Variants in UBE2V2 observed in about 807,000 individuals in gnomAD.
The protein encoded by UBE2V2 is ubiquitin conjugating enzyme E2 V2, also known as ubiquitin-conjugating enzyme E2 variant 2.
A neutral mutation model predicts 17.2 loss-of-function variants in UBE2V2; 9 were observed. That is an observed-to-expected ratio of 0.52 (90% confidence interval 0.32 to 0.91). UBE2V2 has a LOEUF of 0.91. Ranked by LOEUF, UBE2V2 falls within the 40% of genes least tolerant of loss-of-function variation. The pLI, the probability that UBE2V2 is intolerant of heterozygous loss-of-function variation, is 0.04. For missense variants in UBE2V2, 133 were observed against 182.6 expected, an observed-to-expected ratio of 0.73 and a Z score of 1.56; for synonymous variants, 61 against 57.5, an observed-to-expected ratio of 1.06 and a Z score of -0.28.
At chr8:48,030,993 T>C (rs2091378706) in intron 1 of UBE2V2, among the ~76,000 whole-genome samples, 1 of 152,020 alleles carries the variant, frequency 6.6e-6, no homozygotes, top group Non-Finnish European at 1.5e-5. Flanking sequence ...TTGCCCTTCA[T>C]TGTGGCTCTG....
chr8:48,029,065 A>G (rs2091366086), intron 1 of UBE2V2, among the ~76,000 whole-genome samples: 1 of 152,082 alleles, frequency 6.6e-6, no homozygotes, highest in Admixed American at 6.6e-5. Context: ...TAAAAACAAT[A>G]ATGTTCAGGC....
At chr8:47,998,092 CT>C in the UBE2V2 span, among the ~76,000 whole-genome samples, 1 of 152,066 alleles carries the variant, frequency 6.6e-6, no homozygotes, top group African/African-American at 2.4e-5. Flanking sequence ...CAAAAGTTGT[CT>C]TAAGTCTCTG....
rs149023836 is a variant in UBE2V2, at chr8:48,014,316, A to C, written c.16+5846A>C. The stretch of plus-strand genomic sequence containing the variant: ...TATGGTTATTCTGAGACCTTCAAAA[A>C]TGTCAACACATTAAGAACTCTCCCT... On this transcript the variant is annotated intron_variant, in intron 1 of 3. Transcript: ENST00000523111. Among the ~76,000 whole-genome samples, 330 of 152,294 alleles carry C rather than the reference A, an allele frequency of 2.2e-3. 2 individuals carry two copies. Among genetic ancestry groups the C allele is most frequent in the African/African-American group, 7.8e-3 (323 of 41,560 alleles).
rs755762484 is a variant in UBE2V2, at chr8:48,043,141, CACTT to C, written c.128_131del (p.Leu43GlnfsTer6). The C allele has an allele frequency of 2.3e-5, 36 of 1,589,100 alleles. No homozygotes were observed. Among genetic ancestry groups the C allele is most frequent in the South Asian group, 5.8e-5 (5 of 85,960 alleles). On this transcript the variant is annotated frameshift_variant, in exon 2 of 4. Coordinates refer to ENST00000523111, the MANE Select transcript of UBE2V2 (RefSeq NM_003350.3). LOFTEE classifies it high-confidence loss of function. ...GGCCTTGAAGATGATGAAGATATGA[CACTT>C]ACAAGGTGGACAGGCATGATTATTG...
chr8:48,007,168 C>G (rs191676688), upstream of UBE2V2, among the ~76,000 whole-genome samples: 1 of 151,860 alleles, frequency 6.6e-6, no homozygotes, highest in South Asian at 2.1e-4. Flanking sequence ...GATCCATGCC[C>G]GGCCAAAAGC....
At chr8:48,008,504 C>T in intron 1 of UBE2V2, 34 bp downstream of exon 1, 1 of 1,562,494 alleles carries the variant, frequency 6.4e-7, no homozygotes, top group Non-Finnish European at 8.6e-7. Context: ...TGATTTTCCG[C>T]TCCGACCCGG....
intron 1 of UBE2V2, among the ~76,000 whole-genome samples, chr8:48,038,370 T>C (rs1212586499): frequency 6.6e-6 from 1 of 152,096 alleles, no homozygotes; most frequent in Non-Finnish European, 1.5e-5. Flanking sequence ...CAAAATGGAG[T>C]GTAGTGGCGT....
At position 48,010,806 on chromosome 8, in the gene UBE2V2, C is replaced by A. The variant is rs866867503; in HGVS notation, c.16+2336C>A. Reference sequence around the variant, plus strand: ...TCCACCTCCCTGGTTCAAGCAATTCCTCTGCCTCAGCCTCTTGAGTAGCTG... The same window carrying A: ...TCCACCTCCCTGGTTCAAGCAATTCATCTGCCTCAGCCTCTTGAGTAGCTG... On this transcript the variant is annotated intron_variant, in intron 1 of 3. Transcript: ENST00000523111. Among the ~76,000 whole-genome samples the A allele has an allele frequency of 1.7e-4, 25 of 150,316 alleles. 1 individual carries two copies. Among genetic ancestry groups the A allele is most frequent in the Middle Eastern group, 3.5e-3 (1 of 288 alleles).
intron 1 of UBE2V2, among the ~76,000 whole-genome samples, chr8:48,027,973 C>A (rs1004154204): frequency 6.6e-6 from 1 of 151,944 alleles, no homozygotes; most frequent in African/African-American, 2.4e-5. Context: ...CCTGCCTCAA[C>A]CTCCCAAGTA....
intron 2 of UBE2V2, among the ~76,000 whole-genome samples, chr8:48,047,177 G>A (rs562468061): frequency 1.3e-5 from 2 of 152,070 alleles, no homozygotes; most frequent in African/African-American, 4.8e-5. Context: ...CCAACCTCAG[G>A]TGATCCACTC....
In UBE2V2 at chr8:48,008,892, A is replaced by G. The variant is rs567998529; in HGVS notation, c.16+422A>G. Among the ~76,000 whole-genome samples, 267 of 152,310 alleles carry G rather than the reference A, an allele frequency of 1.8e-3. 1 individual carries two copies. Among genetic ancestry groups the G allele is most frequent in the African/African-American group, 5.6e-3 (233 of 41,584 alleles). On this transcript the variant is annotated intron_variant, in intron 1 of 3. Transcript: ENST00000523111. ...GCCAAGAGGTGTCCTGGATCAGAGT[A>G]GGGGTCCCATTCCTTTGGACTCTCC...
intron 1 of UBE2V2, among the ~76,000 whole-genome samples, chr8:48,016,487 TC>T (rs1404067382): frequency 6.6e-6 from 1 of 151,870 alleles, no homozygotes; most frequent in African/African-American, 2.4e-5. Flanking sequence ...TTATCTGTCA[TC>T]TTTTTTTTTT....
At chr8:48,008,670 C>A in intron 1 of UBE2V2, 200 bp downstream of exon 1, 1 of 624,276 alleles carries the variant, frequency 1.6e-6, no homozygotes, top group Non-Finnish European at 2.1e-6. Flanking sequence ...GCGGGTCGTG[C>A]TCGCGCGTCG....
In UBE2V2 at chr8:48,011,152, A is replaced by G. The variant is rs542945004; in HGVS notation, c.16+2682A>G. Reference sequence around the variant, plus strand: ...GATACAGCTTAAAATTTAAAATTAGATGAGCTACATCGATGTAATGCACGT... The same window carrying G: ...GATACAGCTTAAAATTTAAAATTAGGTGAGCTACATCGATGTAATGCACGT... On this transcript the variant is annotated intron_variant, in intron 1 of 3. Transcript: ENST00000523111. Among the ~76,000 whole-genome samples, 49 of 152,222 alleles carry G rather than the reference A, an allele frequency of 3.2e-4. 1 individual carries two copies. The highest frequency in any genetic ancestry group is 2.4e-4 in the Non-Finnish European group (16 of 68,012).
In UBE2V2 at chr8:48,054,119, T is replaced by G. The variant is rs117527281; in HGVS notation, c.291+4141T>G. 2.6e-5 allele frequency among the ~76,000 whole-genome samples: 4 copies of G among 152,326 alleles called. No homozygotes were observed. The East Asian group carries it at 7.7e-4, about 29-fold the overall frequency. ...CCACCACGTCTGGCCAAGTTTAAAATTTTTAAATTAAAATGTTCTCCGTCA... is the reference window on the plus strand; with the variant it reads ...CCACCACGTCTGGCCAAGTTTAAAAGTTTTAAATTAAAATGTTCTCCGTCA... On this transcript the variant is annotated intron_variant, in intron 3 of 3. Coordinates refer to ENST00000523111, the MANE Select transcript of UBE2V2 (RefSeq NM_003350.3).
At chr8:48,035,619 G>GT (rs770027131) in intron 1 of UBE2V2, among the ~76,000 whole-genome samples, 934 of 84,566 alleles carry the variant, frequency 0.011, 38 homozygotes, top group African/African-American at 0.03. Flanking sequence ...AAAAATTATT[G>GT]TTTTTTTTTT....
chr8:48,034,128 C>CTTTTTTTTTTTTTT (rs895844431), intron 1 of UBE2V2, among the ~76,000 whole-genome samples: 4 of 136,300 alleles, frequency 2.9e-5, no homozygotes, highest in African/African-American at 9.0e-5. Context: ...TTTTCTTTTC[C>CTTTTTTTTTTTTTT]TTTTTTTTTT....
At chr8:48,032,485 G>T (rs1214116740) in intron 1 of UBE2V2, among the ~76,000 whole-genome samples, 1 of 152,080 alleles carries the variant, frequency 6.6e-6, no homozygotes, top group Non-Finnish European at 1.5e-5. Context: ...TGGGCATGGG[G>T]CTCACACCTA....
chr8:48,050,169 G>A, intron 3 of UBE2V2, 191 bp downstream of exon 3: 1 of 385,050 alleles, frequency 2.6e-6, no homozygotes, highest in East Asian at 4.5e-5. Flanking sequence ...ATATAAATTA[G>A]GCCATCCTTA....
Sources: gnomAD v4.1 joint callset for allele counts (sites outside exome capture counted in the v4.1 genomes callset) on GRCh38, gnomAD v4.1.1 for gene constraint, MANE v1.5 for transcripts, NCBI Gene and HGNC (gene_info 2026-07-23, HGNC 2026-07-21) for gene names.